Variants in CDKAL1 observed in about 807,000 individuals in gnomAD.
The protein encoded by CDKAL1 is CDKAL1 threonylcarbamoyladenosine tRNA methylthiotransferase.
Under a neutral mutation model 68.2 loss-of-function variants are expected in CDKAL1, and 32 were observed. That is an observed-to-expected ratio of 0.47 (90% CI 0.35 to 0.63). The LOEUF (loss-of-function observed/expected upper bound fraction) is 0.63, where lower values mean the gene tolerates loss of function less well. CDKAL1 is among the 30% of genes least tolerant of loss of function. The probability of loss-of-function intolerance (pLI) is 0.00; values close to 1 mark genes in which losing one functional copy is unlikely to be tolerated. For missense variants in CDKAL1, 606 were observed against 696.7 expected (o/e 0.87, Z 1.47); for synonymous variants, 234 against 244.3 (o/e 0.96, Z 0.39).
At chr6:20,971,539 A>C (rs1293967329) in intron 10 of CDKAL1, among the ~76,000 whole-genome samples, 1 of 152,244 alleles carries the variant, frequency 6.6e-6, no homozygotes, top group Non-Finnish European at 1.5e-5. Context: ...AAACTTAAAG[A>C]GTCATTTTGA....
At chr6:20,771,737 G>C (rs1333624733) in intron 7 of CDKAL1, among the ~76,000 whole-genome samples, 1 of 152,054 alleles carries the variant, frequency 6.6e-6, no homozygotes, top group East Asian at 1.9e-4. Flanking sequence ...CATGTGAGTT[G>C]GTTGTTTAAA....
intron 9 of CDKAL1, among the ~76,000 whole-genome samples, chr6:20,875,704 A>T (rs977689692): frequency 6.6e-6 from 1 of 152,208 alleles, no homozygotes; most frequent in Admixed American, 6.5e-5. Flanking sequence ...CTGTAAAGCT[A>T]TTTAATAATC....
intron 8 of CDKAL1, among the ~76,000 whole-genome samples, chr6:20,802,740 A>G (rs1776421361): frequency 6.6e-6 from 1 of 152,216 alleles, no homozygotes; most frequent in Non-Finnish European, 1.5e-5. Context: ...TTCGTTTCAA[A>G]AATGCAAAGC....
chr6:20,965,779 C>T (rs1765277551), intron 10 of CDKAL1, among the ~76,000 whole-genome samples: 1 of 152,206 alleles, frequency 6.6e-6, no homozygotes. Context: ...AAAATTAGTG[C>T]AGTTCAAACT....
chr6:20,901,068 G>A (rs1761936745), intron 9 of CDKAL1, among the ~76,000 whole-genome samples: 1 of 152,064 alleles, frequency 6.6e-6, no homozygotes, highest in South Asian at 2.1e-4. Context: ...GAAGTCTAGC[G>A]ATGATTGTCT....
chr6:21,006,060 A>G (rs1304634625), intron 11 of CDKAL1, among the ~76,000 whole-genome samples: 1 of 152,176 alleles, frequency 6.6e-6, no homozygotes, highest in African/African-American at 2.4e-5. Context: ...TATATCATCC[A>G]GCCCATCCTA....
intron 13 of CDKAL1, among the ~76,000 whole-genome samples, chr6:21,192,891 T>A (rs772772767): frequency 2.0e-5 from 3 of 150,444 alleles, no homozygotes; most frequent in African/African-American, 2.4e-5. Context: ...CATAGCTCAC[T>A]GCAACCTTGA....
At chr6:20,769,632 A>C (rs1774853677) in intron 7 of CDKAL1, among the ~76,000 whole-genome samples, 1 of 152,056 alleles carries the variant, frequency 6.6e-6, no homozygotes, top group Non-Finnish European at 1.5e-5. Context: ...ATGGAATCTG[A>C]CTTTAACTTC....
Position 21,225,505 on chromosome 6 carries a change from G to A in CDKAL1, c.1549-5343G>A, listed in dbSNP as rs113500819. ...CAAGCTACACTCCTGTGACGTCACCGTCACAGCAGCCCTTATTGTGAACCT... is the reference window on the plus strand; with the variant it reads ...CAAGCTACACTCCTGTGACGTCACCATCACAGCAGCCCTTATTGTGAACCT... On this transcript the variant is annotated intron_variant, in intron 15 of 15. Coordinates refer to ENST00000274695, the MANE Select transcript of CDKAL1 (RefSeq NM_017774.3). 6.5e-4 allele frequency among the ~76,000 whole-genome samples: 99 copies of A among 152,242 alleles called. 1 individual carries two copies. The highest frequency in any genetic ancestry group is 2.0e-3 in the African/African-American group (85 of 41,556).
intron 11 of CDKAL1, among the ~76,000 whole-genome samples, chr6:21,062,968 G>A (rs1771225668): frequency 6.6e-6 from 1 of 152,168 alleles, no homozygotes; most frequent in South Asian, 2.1e-4. Context: ...AGACTGGAGT[G>A]CAGTGGCGCG....
chr6:21,022,195 A>G (rs1178549630), intron 11 of CDKAL1, among the ~76,000 whole-genome samples: 1 of 152,222 alleles, frequency 6.6e-6, no homozygotes, highest in Non-Finnish European at 1.5e-5. Flanking sequence ...TATGAAATTA[A>G]GTTACATTTA....
Position 20,752,649 on chromosome 6 carries a change from A to G in CDKAL1, c.469-5946A>G, listed in dbSNP as rs990874748. ...ACATTTTCTCATTCTTTTTATGTGT[A>G]CACATTTTCCCCCTGATCCCGATCC... On this transcript the variant is annotated intron_variant, in intron 6 of 15. Coordinates refer to ENST00000274695, the MANE Select transcript of CDKAL1 (RefSeq NM_017774.3). Among the ~76,000 whole-genome samples the G allele has an allele frequency of 5.9e-5, 9 of 152,202 alleles. No homozygotes were observed. The South Asian group carries it at 1.0e-3, about 17-fold the overall frequency.
At chr6:20,938,275 G>A (rs780515792) in intron 9 of CDKAL1, among the ~76,000 whole-genome samples, 5 of 151,968 alleles carry the variant, frequency 3.3e-5, no homozygotes, top group African/African-American at 7.3e-5. Flanking sequence ...CTTACTGTCT[G>A]GCACCAGAAA....
intron 8 of CDKAL1, among the ~76,000 whole-genome samples, chr6:20,793,713 T>G (rs951511905): frequency 1.3e-5 from 2 of 150,972 alleles, no homozygotes; most frequent in Non-Finnish European, 3.0e-5. Flanking sequence ...ATGGTAGATA[T>G]TCAAGGATGA....
intron 12 of CDKAL1, among the ~76,000 whole-genome samples, chr6:21,074,019 C>A (rs1182375435): frequency 6.6e-6 from 1 of 152,212 alleles, no homozygotes; most frequent in Non-Finnish European, 1.5e-5. Flanking sequence ...GGATTCTGCA[C>A]TGTTGTTCTT....
intron 11 of CDKAL1, among the ~76,000 whole-genome samples, chr6:21,022,140 T>C (rs2150862626): frequency 6.6e-6 from 1 of 152,320 alleles, no homozygotes; most frequent in Non-Finnish European, 1.5e-5. Flanking sequence ...GGATTTGGAA[T>C]GATAGTGGCC....
chr6:20,790,496 C>T lies in CDKAL1; in HGVS notation c.638+9231C>T, dbSNP rs145268490. ...AGGTAGCTTGAGAATGCTTGGGCTCCGAACTTGGTGACGCTGGATTTTTCG... is the reference window on the plus strand; with the variant it reads ...AGGTAGCTTGAGAATGCTTGGGCTCTGAACTTGGTGACGCTGGATTTTTCG... On this transcript the variant is annotated intron_variant, in intron 8 of 15. Transcript: ENST00000274695. Among the ~76,000 whole-genome samples, 577 of 152,244 alleles carry T rather than the reference C, an allele frequency of 3.8e-3. 5 individuals carry two copies. The highest frequency in any genetic ancestry group is 0.01 in the Middle Eastern group (3 of 294).
At chr6:20,573,567 G>A (rs1764795686) in intron 4 of CDKAL1, among the ~76,000 whole-genome samples, 1 of 152,006 alleles carries the variant, frequency 6.6e-6, no homozygotes, top group Admixed American at 6.5e-5. Context: ...TACTGTAAAA[G>A]TCAAAATTAG....
At chr6:21,149,253 C>T (rs1327705966) in intron 13 of CDKAL1, among the ~76,000 whole-genome samples, 1 of 152,162 alleles carries the variant, frequency 6.6e-6, no homozygotes, top group East Asian at 1.9e-4. Flanking sequence ...GTTTCTCCTG[C>T]CTCAGCCTCC....
Sources: allele counts gnomAD v4.1 joint callset (sites outside exome capture counted in the v4.1 genomes callset), GRCh38; gene constraint gnomAD v4.1.1; transcripts MANE v1.5; gene names NCBI Gene and HGNC (gene_info 2026-07-23, HGNC 2026-07-21).